ARSB: variants seen among roughly 807,000 people sequenced by gnomAD.
The protein encoded by ARSB is arylsulfatase B.
Under a neutral mutation model 50.9 loss-of-function variants are expected in ARSB, and 41 were observed. That is an observed-to-expected ratio of 0.81 (90% CI 0.63 to 1.04). ARSB has a LOEUF of 1.04. ARSB is among the 50% of genes least tolerant of loss of function. The pLI, the probability that ARSB is intolerant of heterozygous loss-of-function variation, is 0.00. For missense variants in ARSB, 672 were observed against 693.3 expected (o/e 0.97, Z 0.35); for synonymous variants, 269 against 284.8 (o/e 0.94, Z 0.56).
intron 5 of ARSB, among the ~76,000 whole-genome samples, chr5:78,857,372 A>G (rs1746201915): frequency 1.3e-5 from 2 of 152,124 alleles, no homozygotes; most frequent in East Asian, 1.9e-4. Context: ...TTATCTAGGT[A>G]TTTTCCTTAT....
chr5:78,984,035 G>GA (rs541861634), intron 1 of ARSB, among the ~76,000 whole-genome samples: 102 of 152,202 alleles, frequency 6.7e-4, no homozygotes, highest in African/African-American at 2.4e-3. Context: ...AGATTGAGGG[G>GA]AAAAAAGGCC....
intron 4 of ARSB, among the ~76,000 whole-genome samples, chr5:78,907,765 T>C (rs762134954): frequency 6.6e-5 from 10 of 152,200 alleles, no homozygotes; most frequent in Non-Finnish European, 1.3e-4. Flanking sequence ...GCCAAGTCCA[T>C]TGTGAAGTTT....
At chr5:78,796,726 T>A (rs1390158882) in intron 6 of ARSB, among the ~76,000 whole-genome samples, 1 of 152,174 alleles carries the variant, frequency 6.6e-6, no homozygotes, top group East Asian at 1.9e-4. Context: ...CAATCTTGGC[T>A]CACTGCAACC....
At chr5:78,891,583 C>T (rs1326042776) in intron 4 of ARSB, among the ~76,000 whole-genome samples, 2 of 152,160 alleles carry the variant, frequency 1.3e-5, no homozygotes, top group African/African-American at 4.8e-5. Context: ...GAGATAAGAT[C>T]TCTCCATTCA....
At chr5:78,951,148 G>T (rs1474838482) in intron 4 of ARSB, among the ~76,000 whole-genome samples, 1 of 152,126 alleles carries the variant, frequency 6.6e-6, no homozygotes, top group Non-Finnish European at 1.5e-5. Context: ...GGAGTCTGAG[G>T]TGGGAGGATC....
chr5:78,966,234 A>G (rs947069699), intron 2 of ARSB, among the ~76,000 whole-genome samples: 1 of 152,258 alleles, frequency 6.6e-6, no homozygotes, highest in Non-Finnish European at 1.5e-5. Flanking sequence ...AACTATTCAC[A>G]TACTTGGCAA....
intron 6 of ARSB, among the ~76,000 whole-genome samples, chr5:78,831,365 T>C (rs1044239758): frequency 4.0e-5 from 6 of 151,826 alleles, no homozygotes; most frequent in African/African-American, 1.5e-4. Flanking sequence ...GTGGAGTGAA[T>C]ACAAGGCACT....
chr5:78,969,049 C>T lies in ARSB; in HGVS notation c.456G>A (p.Arg152=). ...CTCGGCGGGTTGGAAGGCATTCTTT[C>T]CGGTACATTCCCAGGTGCCATTTTC... is the stretch of plus-strand genomic sequence containing the variant. ...MVGKWHLGMY[R]KECLPTRRGF... The change falls in exon 2 of 8, where the codon CGG becomes CGA. Residue 152 remains arginine (R), a synonymous_variant. Coordinates refer to ENST00000264914, the MANE Select transcript of ARSB (RefSeq NM_000046.5). 1 of 1,614,172 alleles carries T rather than the reference C, an allele frequency of 6.2e-7. No individual in the cohort carries two copies. Among genetic ancestry groups the T allele is most frequent in the Non-Finnish European group, 8.5e-7 (1 of 1,180,036 alleles).
At chr5:78,793,738 A>G (rs989698374) in intron 6 of ARSB, among the ~76,000 whole-genome samples, 15 of 152,170 alleles carry the variant, frequency 9.9e-5, no homozygotes, top group African/African-American at 3.6e-4. Flanking sequence ...GTGATGATCA[A>G]TTTTGATGGG....
At chr5:78,845,348 C>T (rs533736921) in intron 5 of ARSB, among the ~76,000 whole-genome samples, 3 of 152,124 alleles carry the variant, frequency 2.0e-5, no homozygotes, top group Admixed American at 6.5e-5. Flanking sequence ...TGGGAGTGCA[C>T]ATATCTCCTT....
At chr5:78,805,032 A>T (rs1484551394) in intron 6 of ARSB, among the ~76,000 whole-genome samples, 1 of 152,232 alleles carries the variant, frequency 6.6e-6, no homozygotes, top group Non-Finnish European at 1.5e-5. Context: ...GCAACACGCA[A>T]GATACTGTTT....
chr5:78,808,109 A>C lies in ARSB; in HGVS notation c.1214-26135T>G, dbSNP rs1050227031. ...CTCCGTCTCAAAAAAAAAAAAAAAA[A>C]AAAAAAAAACACCTTGCCATGAAAA... is the stretch of plus-strand genomic sequence containing the variant. On this transcript the variant is annotated intron_variant, in intron 6 of 7. Transcript: ENST00000264914. Among the ~76,000 whole-genome samples, 488 of 150,846 alleles carry C rather than the reference A, an allele frequency of 3.2e-3. 6 individuals carry two copies. Among genetic ancestry groups the C allele is most frequent in the Non-Finnish European group, 5.2e-3 (353 of 67,644 alleles).
intron 6 of ARSB, among the ~76,000 whole-genome samples, chr5:78,794,240 G>A (rs919179232): frequency 6.6e-6 from 1 of 151,964 alleles, no homozygotes; most frequent in South Asian, 2.1e-4. Context: ...CTCATTCCTG[G>A]GCTTGCGGCT....
At chr5:78,850,641 T>C (rs900438344) in intron 5 of ARSB, among the ~76,000 whole-genome samples, 20 of 152,322 alleles carry the variant, frequency 1.3e-4, no homozygotes, top group African/African-American at 4.8e-4. Context: ...ATGGTACCAG[T>C]TCCTCCTTGT....
Position 78,951,525 on chromosome 5 carries a change from G to A in ARSB, c.898+3770C>T, listed in dbSNP as rs1308313619. Among the ~76,000 whole-genome samples the A allele has an allele frequency of 2.0e-5, 3 of 152,094 alleles. No individual in the cohort carries two copies. In the South Asian group the frequency reaches 6.2e-4, roughly 32 times the overall value. On this transcript the variant is annotated intron_variant, in intron 4 of 7. Transcript: ENST00000264914. ...AGAAAAAGGACAAAAAAAATGAAAA[G>A]GATGAGAGAAAAGCTGAATCAGGGA...
chr5:78,927,553 A>G (rs1398687869), intron 4 of ARSB, among the ~76,000 whole-genome samples: 1 of 152,210 alleles, frequency 6.6e-6, no homozygotes, highest in Non-Finnish European at 1.5e-5. Flanking sequence ...CTAACAAAGA[A>G]AATCTTAGGT....
At chr5:78,978,233 G>A (rs1226308553) in intron 1 of ARSB, among the ~76,000 whole-genome samples, 1 of 151,750 alleles carries the variant, frequency 6.6e-6, no homozygotes, top group Non-Finnish European at 1.5e-5. Flanking sequence ...CAGCTACTCA[G>A]GAGGCTGAGG....
intron 5 of ARSB, among the ~76,000 whole-genome samples, chr5:78,867,702 A>G (rs1164814620): frequency 1.3e-5 from 2 of 152,130 alleles, no homozygotes; most frequent in Non-Finnish European, 2.9e-5. Context: ...TAAAACCACA[A>G]AGGTGGGGAA....
At chr5:78,851,985 G>A (rs1199553353) in intron 5 of ARSB, among the ~76,000 whole-genome samples, 2 of 152,198 alleles carry the variant, frequency 1.3e-5, no homozygotes, top group East Asian at 1.9e-4. Context: ...CCTGAATACA[G>A]CACACTAATG....
Sources: allele counts gnomAD v4.1 joint callset (sites outside exome capture counted in the v4.1 genomes callset), GRCh38; gene constraint gnomAD v4.1.1; transcripts MANE v1.5; gene names NCBI Gene and HGNC (gene_info 2026-07-23, HGNC 2026-07-21).